ACVRL1: variants seen among roughly 807,000 people sequenced by gnomAD.
ACVRL1 encodes activin A receptor like type 1, also known as activin receptor type-1-like.
A neutral mutation model predicts 51.9 loss-of-function variants in ACVRL1; 20 were observed. The observed-to-expected ratio is 0.39, with a 90% CI of 0.27 to 0.56. The LOEUF is 0.56. Ranked by LOEUF, ACVRL1 falls within the 20% of genes least tolerant of loss-of-function variation. The probability of loss-of-function intolerance (pLI) is 0.67; values close to 1 mark genes in which losing one functional copy is unlikely to be tolerated. For missense variants in ACVRL1, 451 were observed against 670.3 expected, an observed-to-expected ratio of 0.67 and a Z score of 3.61; for synonymous variants, 288 against 280.9, an observed-to-expected ratio of 1.03 and a Z score of -0.25.
rs11608624 is a variant in ACVRL1 at position 51,917,055 on chromosome 12, G to A, written c.1246+822G>A. ...GTTGTTGAGATAATCTAAGTATTTA[G>A]AACAGTATCTAGAGCTAAATATTAG... On this transcript the variant is annotated intron_variant, in intron 8 of 9. Coordinates refer to ENST00000388922, the MANE Select transcript of ACVRL1 (RefSeq NM_000020.3). The surrounding 1 kb of genome is among the most constrained non-coding windows in gnomAD (Gnocchi z 4.2). 6.8e-3 allele frequency among the ~76,000 whole-genome samples: 1,043 copies of A among 152,320 alleles called. 8 individuals carry two copies. Among genetic ancestry groups the A allele is most frequent in the Non-Finnish European group, 0.012 (792 of 68,022 alleles).
intron 6 of ACVRL1, 51 bp from the exon 7 acceptor site, chr12:51,915,174 C>A: frequency 6.2e-7 from 1 of 1,611,466 alleles, no homozygotes; most frequent in Non-Finnish European, 8.5e-7. Context: ...CGACTCCAGC[C>A]TCCCTTAGCC....
At chr12:51,912,324 A>C in intron 1 of ACVRL1, 146 bp from the exon 2 acceptor site, 3 of 858,806 alleles carry the variant, frequency 3.5e-6, no homozygotes, top group Non-Finnish European at 5.8e-6. Flanking sequence ...CCCCGCCCCA[A>C]AGCCAGGCGG....
intron 9 of ACVRL1, among the ~76,000 whole-genome samples, chr12:51,919,934 A>T (rs1003475715): frequency 6.6e-6 from 1 of 152,158 alleles, no homozygotes; most frequent in African/African-American, 2.4e-5. Context: ...CCTATTACCT[A>T]TCATAGTATC....
rs1293510809 is a variant in ACVRL1 at position 51,920,690 on chromosome 12, C to T, written c.1378-69C>T. ...CCCACCTCCCTCTGCATCTCTCTCC[C>T]GACCCCCTCCTCTTCTCTGCATCTC... On this transcript the variant is annotated intron_variant, in intron 9 of 9. Transcript: ENST00000388922. 31 of 1,572,256 alleles carry T rather than the reference C, an allele frequency of 2.0e-5. No homozygotes were observed. Among genetic ancestry groups the T allele is most frequent in the African/African-American group, 2.7e-5 (2 of 74,006 alleles).
Position 51,920,809 on chromosome 12 carries a change from C to G in ACVRL1, c.1428C>G (p.Pro476=), listed in dbSNP as rs758783600. Residue 476 remains proline (P), a synonymous_variant, in exon 10 of 10, where the codon CCC becomes CCG. Transcript: ENST00000388922. ...TGCGGGAGTGCTGGTACCCAAACCCCTCTGCCCGACTCACCGCGCTGCGGA... is the reference window on the plus strand; with the variant it reads ...TGCGGGAGTGCTGGTACCCAAACCCGTCTGCCCGACTCACCGCGCTGCGGA... The part of the protein sequence containing the change: ...QMMRECWYPN[P]SARLTALRIK... 2.5e-6 allele frequency: 4 copies of G among 1,613,972 alleles called. No individual in the cohort carries two copies. Among genetic ancestry groups the G allele is most frequent in the Non-Finnish European group, 2.5e-6 (3 of 1,180,036 alleles).
chr12:51,918,864 G>A, intron 8 of ACVRL1, 121 bp from the exon 9 acceptor site: 3 of 1,378,146 alleles, frequency 2.2e-6, no homozygotes, highest in Non-Finnish European at 3.1e-6. Flanking sequence ...CCTCTCAGGG[G>A]TAGCGTGTCC....
intron 2 of ACVRL1, 112 bp downstream of exon 2, chr12:51,912,647 A>C: frequency 1.1e-6 from 1 of 932,752 alleles, no homozygotes; most frequent in South Asian, 1.4e-5. Flanking sequence ...AGAATGTAGG[A>C]GCTTGACTGG....
chr12:51,908,511 G>T (rs1365827340), intron 1 of ACVRL1, among the ~76,000 whole-genome samples: 1 of 152,128 alleles, frequency 6.6e-6, no homozygotes, highest in African/African-American at 2.4e-5. Flanking sequence ...TAGACACTTA[G>T]ATATATATAT....
intron 4 of ACVRL1, 32 bp from the exon 5 acceptor site, chr12:51,913,942 G>A (rs1223752799): frequency 6.2e-7 from 1 of 1,606,820 alleles, no homozygotes; most frequent in Non-Finnish European, 8.5e-7. Flanking sequence ...GCTGGTTGTG[G>A]CAGCCTCTCA....
chr12:51,907,127 C>T (rs1315175818), upstream of ACVRL1: 4 of 152,202 alleles, frequency 2.6e-5, no homozygotes, highest in Non-Finnish European at 4.4e-5. The surrounding 1 kb of genome is among the most constrained non-coding windows in gnomAD (Gnocchi z 4.5). Context: ...CCCACTACTC[C>T]GGCCGCCAGA....
intron 1 of ACVRL1, among the ~76,000 whole-genome samples, chr12:51,908,099 C>A (rs1940630573): frequency 6.6e-6 from 1 of 152,206 alleles, no homozygotes; most frequent in African/African-American, 2.4e-5. Flanking sequence ...AGCCTCCCAG[C>A]AGAGCTCACC....
intron 6 of ACVRL1, 50 bp downstream of exon 6, chr12:51,914,635 C>T (rs774352440): frequency 5.7e-6 from 9 of 1,575,720 alleles, no homozygotes; most frequent in Admixed American, 1.8e-5. Context: ...CCCCCCTGCA[C>T]TCAGGGCTCA....
chr12:51,909,892 A>G (rs566592253), intron 1 of ACVRL1, among the ~76,000 whole-genome samples: 2 of 152,346 alleles, frequency 1.3e-5, no homozygotes, highest in South Asian at 4.1e-4. Flanking sequence ...AAATTAGTTT[A>G]ACGTCTGTAA....
intron 7 of ACVRL1, 171 bp from the exon 8 acceptor site, chr12:51,915,865 G>C: frequency 1.4e-6 from 1 of 729,408 alleles, no homozygotes; most frequent in South Asian, 1.9e-5. Flanking sequence ...CAAGCAAAGA[G>C]TACCTGGGGC....
At chr12:51,919,785 G>A (rs1940926465) in intron 9 of ACVRL1, among the ~76,000 whole-genome samples, 1 of 152,046 alleles carries the variant, frequency 6.6e-6, no homozygotes, top group Non-Finnish European at 1.5e-5. Flanking sequence ...CTTGTACAAA[G>A]ACACACACAC....
Position 51,914,303 on chromosome 12 carries a change from G to A in ACVRL1, c.626-136G>A, listed in dbSNP as rs946485403. The A allele has an allele frequency of 5.7e-6, 8 of 1,397,688 alleles. No homozygotes were observed. In the African/African-American group the frequency reaches 1.1e-4, roughly 20 times the overall value. 86.6% of individuals were successfully genotyped at this position (1,397,688 alleles called of 1,614,324 possible). A position where few individuals can be genotyped will look rare whatever the true frequency, so the allele number is the denominator to read the frequency against. ...GTGGCCTGCCACTGGGTTTGGGTCTGGATTAAGTTAAACCTAAGGGTCTGG... is the reference window on the plus strand; with the variant it reads ...GTGGCCTGCCACTGGGTTTGGGTCTAGATTAAGTTAAACCTAAGGGTCTGG... On this transcript the variant is annotated intron_variant, in intron 5 of 9. Transcript: ENST00000388922.
chr12:51,920,634 ATCC>A, intron 9 of ACVRL1, 122 bp from the exon 10 acceptor site: 6 of 1,044,576 alleles, frequency 5.7e-6, no homozygotes, highest in Admixed American at 2.0e-5. Flanking sequence ...ATTACCGGCC[ATCC>A]TCCTCATCTT....
In ACVRL1 at chr12:51,915,512, G is replaced by C. The variant is rs764887659; in HGVS notation, c.1048+12G>C. On this transcript the variant is annotated intron_variant, in intron 7 of 9. Transcript: ENST00000388922. ...CATCGCCGACCTGGGTGAGCCGGGCGGGGCAGGGGCGCGCCCTTCACAGGT... is the reference window on the plus strand; with the variant it reads ...CATCGCCGACCTGGGTGAGCCGGGCCGGGCAGGGGCGCGCCCTTCACAGGT... 24 of 1,602,404 alleles carry C rather than the reference G, an allele frequency of 1.5e-5. No homozygotes were observed. The South Asian group carries it at 2.5e-4, about 17-fold the overall frequency.
intron 1 of ACVRL1, among the ~76,000 whole-genome samples, chr12:51,908,817 A>C (rs1356298739): frequency 6.6e-6 from 1 of 152,184 alleles, no homozygotes; most frequent in Admixed American, 6.5e-5. Flanking sequence ...TCATACCTCT[A>C]AGTGGCAAAG....
Sources: gnomAD v4.1 joint callset for allele counts (sites outside exome capture counted in the v4.1 genomes callset) on GRCh38, gnomAD v4.1.1 for gene constraint, Gnocchi (gnomAD v3.1) non-coding constraint, MANE v1.5 for transcripts, NCBI Gene and HGNC (gene_info 2026-07-23, HGNC 2026-07-21) for gene names.